The following FRY variants were observed in gnomAD, a reference collection of about 807,000 sequenced individuals.
FRY encodes FRY microtubule binding protein.
In FRY, 128 loss-of-function variants were observed where a neutral mutation model predicts 348.4. That is an observed-to-expected ratio of 0.37 (90% CI 0.32 to 0.43). The LOEUF (loss-of-function observed/expected upper bound fraction) is 0.43. Ranked by LOEUF, FRY falls within the 20% of genes least tolerant of loss-of-function variation. FRY has a pLI of 1.00. For missense variants in FRY, 2,736 were observed against 3,695.2 expected, an observed-to-expected ratio of 0.74 and a Z score of 6.73; for synonymous variants, 1,370 against 1,374.7, an observed-to-expected ratio of 1.00 and a Z score of 0.08.
intron 47 of FRY, among the ~76,000 whole-genome samples, chr13:32,246,157 G>A (rs1457169867): frequency 2.0e-5 from 3 of 152,162 alleles, no homozygotes; most frequent in Non-Finnish European, 2.9e-5. Context: ...GCCTGCGGGC[G>A]ACGTCTGATA....
chr13:32,263,906 G>A (rs1183691962), intron 53 of FRY, among the ~76,000 whole-genome samples: 2 of 152,174 alleles, frequency 1.3e-5, no homozygotes, highest in African/African-American at 2.4e-5. Context: ...TACTCAGGAG[G>A]CTGAGGCAGA....
At chr13:32,263,537 A>G (rs569630652) in intron 53 of FRY, among the ~76,000 whole-genome samples, 1 of 152,142 alleles carries the variant, frequency 6.6e-6, no homozygotes, top group Non-Finnish European at 1.5e-5. Flanking sequence ...AGAAAAAAAC[A>G]AAAAACAAAA....
intron 2 of FRY, among the ~76,000 whole-genome samples, chr13:32,092,476 G>A (rs993909980): frequency 2.0e-5 from 3 of 152,186 alleles, no homozygotes; most frequent in Non-Finnish European, 2.9e-5. Context: ...GGTAGAGGGC[G>A]ATGGCTTTCC....
chr13:32,143,713 GA>G (rs1440252317), intron 11 of FRY, among the ~76,000 whole-genome samples: 4 of 152,142 alleles, frequency 2.6e-5, no homozygotes, highest in Non-Finnish European at 5.9e-5. Flanking sequence ...ATTCACAAAG[GA>G]AAAGATGTTT....
intron 3 of FRY, among the ~76,000 whole-genome samples, chr13:32,114,070 A>G (rs962331330): frequency 6.6e-6 from 1 of 152,224 alleles, no homozygotes; most frequent in African/African-American, 2.4e-5. Flanking sequence ...GGGGTTCCAC[A>G]TACATGAGGT....
chr13:32,073,490 T>C (rs1411152293), intron 1 of FRY, among the ~76,000 whole-genome samples: 3 of 152,186 alleles, frequency 2.0e-5, no homozygotes, highest in Non-Finnish European at 4.4e-5. Flanking sequence ...TTTTTCCTTG[T>C]TCTTTTAGAA....
At chr13:32,279,766 G>T (rs531690113) in intron 58 of FRY, among the ~76,000 whole-genome samples, 1 of 152,340 alleles carries the variant, frequency 6.6e-6, no homozygotes, top group African/African-American at 2.4e-5. Flanking sequence ...CTGGTTTCTG[G>T]TCAGAGGTTT....
At chr13:32,281,711 G>C (rs190906479) in intron 58 of FRY, among the ~76,000 whole-genome samples, 24 of 152,346 alleles carry the variant, frequency 1.6e-4, no homozygotes, top group African/African-American at 5.5e-4. Flanking sequence ...GCCTACATGT[G>C]TAACAATTCT....
intron 17 of FRY, among the ~76,000 whole-genome samples, chr13:32,166,203 C>T (rs1319317477): frequency 3.3e-5 from 5 of 152,228 alleles, no homozygotes; most frequent in Non-Finnish European, 7.3e-5. Flanking sequence ...GTTCCCCAAG[C>T]TAGCCAGACA....
intron 8 of FRY, among the ~76,000 whole-genome samples, chr13:32,134,026 G>C (rs1879546098): frequency 6.6e-6 from 1 of 152,104 alleles, no homozygotes; most frequent in South Asian, 2.1e-4. Flanking sequence ...CGATCTGCCT[G>C]CCTTGGCCTC....
Position 32,117,445 on chromosome 13 carries a change from A to G in FRY, c.436A>G (p.Arg146Gly), listed in dbSNP as rs1022740644. Residue 146 changes from arginine (R) to glycine (G), a missense_variant, in exon 4 of 61, where the codon AGA becomes GGA. By Grantham distance (125) the Arg-to-Gly change is moderately radical (BLOSUM62 -2). Around this residue, in one of 9 missense-constraint regions of FRY, gnomAD observed 309 missense variants for 418.1 expected, o/e 0.74. Transcript: ENST00000542859. ...CATTGAGGATGAATCACATGAATAC[A>G]GACCAAGAACAAGCAATAAATCAAA... ...NGIEDESHEY[R>G]PRTSNKSKSD... 3 of 1,613,844 alleles carry G rather than the reference A, an allele frequency of 1.9e-6. No individual in the cohort carries two copies. Among genetic ancestry groups the G allele is most frequent in the African/African-American group, 2.7e-5 (2 of 75,058 alleles).
rs1193317293 is a variant in FRY, at chr13:32,187,578, C to T, written c.3513C>T (p.Val1171=). ...CAGCAGTACTGTGCTGTGGCCCTGT[C>T]TTTGACAATGTGGGCCTTTCCCCAG... The part of the protein sequence containing the change: ...AMSAVLCCGP[V]FDNVGLSPDG... The change falls in exon 28 of 61, where the codon GTC becomes GTT. Residue 1171 remains valine, a synonymous_variant. Transcript: ENST00000542859. 1 of 1,611,380 alleles carries T rather than the reference C, an allele frequency of 6.2e-7. No individual in the cohort carries two copies. The highest frequency in any genetic ancestry group is 8.5e-7 in the Non-Finnish European group (1 of 1,177,642).
chr13:32,221,610 G>T (rs1237478589), intron 36 of FRY, among the ~76,000 whole-genome samples: 1 of 152,216 alleles, frequency 6.6e-6, no homozygotes, highest in East Asian at 1.9e-4. Context: ...CCTCTGGGGT[G>T]CAAGCAATTC....
chr13:32,258,177 T>A (rs1223140999), intron 51 of FRY, among the ~76,000 whole-genome samples: 1 of 152,256 alleles, frequency 6.6e-6, no homozygotes, highest in Non-Finnish European at 1.5e-5. Context: ...AATACATTTT[T>A]AAAACCTTTA....
chr13:32,228,040 G>A (rs754308828), intron 39 of FRY, among the ~76,000 whole-genome samples: 10 of 152,130 alleles, frequency 6.6e-5, no homozygotes, highest in South Asian at 2.1e-4. Flanking sequence ...GTGAGCCACC[G>A]CGCCCAGCCC....
chr13:32,147,547 G>C (rs1196495292), intron 12 of FRY, among the ~76,000 whole-genome samples, 162 bp downstream of exon 12: 1 of 152,154 alleles, frequency 6.6e-6, no homozygotes, highest in Non-Finnish European at 1.5e-5. Flanking sequence ...CATAGTCATT[G>C]GCTCAACACC....
At chr13:32,155,404 A>T (rs569830310) in intron 14 of FRY, 87 bp from the exon 15 acceptor site, 7 of 926,690 alleles carry the variant, frequency 7.6e-6, no homozygotes, top group African/African-American at 6.4e-5. Flanking sequence ...CATGCAATTC[A>T]GTCTTAACTA....
At chr13:32,208,797 A>G (rs1884506942) in intron 31 of FRY, 56 bp from the exon 32 acceptor site, 1 of 1,607,550 alleles carries the variant, frequency 6.2e-7, no homozygotes. Flanking sequence ...TTGAATTTCC[A>G]TTTATTTTGG....
intron 1 of FRY, among the ~76,000 whole-genome samples, chr13:32,038,971 C>T (rs1489565216): frequency 6.6e-6 from 1 of 152,100 alleles, no homozygotes; most frequent in Non-Finnish European, 1.5e-5. Flanking sequence ...CTTCCTTGTT[C>T]GATTCAGAAT....
Sources: gnomAD v4.1 joint callset for allele counts (sites outside exome capture counted in the v4.1 genomes callset) on GRCh38, gnomAD v4.1.1 for gene constraint, gnomAD v4.1.1 regional missense constraint, MANE v1.5 for transcripts, NCBI Gene and HGNC (gene_info 2026-07-23, HGNC 2026-07-21) for gene names.